KALRN: variants seen among roughly 807,000 people sequenced by gnomAD.
KALRN encodes kalirin RhoGEF kinase.
In KALRN, 70 loss-of-function variants were observed where a neutral mutation model predicts 353.7. The observed-to-expected ratio is 0.20, with a 90% CI of 0.16 to 0.24. The LOEUF (loss-of-function observed/expected upper bound fraction) is 0.24. Among genes scored for constraint, KALRN ranks in the 10% least tolerant of loss-of-function variants. The pLI, the probability that KALRN is intolerant of heterozygous loss-of-function variation, is 1.00. For synonymous variants in KALRN, 1,391 were observed against 1,434.8 expected, an observed-to-expected ratio of 0.97 and a Z score of 0.69; for missense variants, 2,791 against 3,756.7, an observed-to-expected ratio of 0.74 and a Z score of 6.72.
intron 1 of KALRN, among the ~76,000 whole-genome samples, chr3:124,191,243 G>C (rs1442380635): frequency 6.6e-6 from 1 of 151,944 alleles, no homozygotes; most frequent in African/African-American, 2.4e-5. Context: ...AGTCTTCATT[G>C]TATAGGCACG....
chr3:124,051,690 A>G (rs1411024023), intron 1 of KALRN, among the ~76,000 whole-genome samples: 7 of 152,150 alleles, frequency 4.6e-5, no homozygotes, highest in Non-Finnish European at 1.0e-4. Flanking sequence ...ACTATACTCA[A>G]TCCAGGGCCA....
chr3:124,338,634 T>G (rs2081370628), intron 9 of KALRN, among the ~76,000 whole-genome samples: 1 of 152,216 alleles, frequency 6.6e-6, no homozygotes, highest in Non-Finnish European at 1.5e-5. Flanking sequence ...TGGAGAGATC[T>G]GTAGATGTCT....
chr3:124,539,709 A>G lies in KALRN; in HGVS notation c.4936-23134A>G, dbSNP rs186039042. 5.8e-4 allele frequency among the ~76,000 whole-genome samples: 88 copies of G among 152,328 alleles called. 2 individuals carry two copies. The South Asian group carries it at 0.014, about 24-fold the overall frequency. ...TTTGAAGGAAGGAAGGGAGAAAAAA[A>G]GAGCAAGAGTCAGAGTTTTGTATAT... On this transcript the variant is annotated intron_variant, in intron 33 of 59. Coordinates refer to ENST00000682506, the MANE Select transcript of KALRN (RefSeq NM_001388419.1).
intron 19 of KALRN, among the ~76,000 whole-genome samples, chr3:124,443,520 G>A (rs1234439503): frequency 6.6e-6 from 1 of 152,202 alleles, no homozygotes; most frequent in African/African-American, 2.4e-5. Context: ...TTCCAAATGT[G>A]CTATTCTATT....
intron 25 of KALRN, among the ~76,000 whole-genome samples, chr3:124,464,600 G>A (rs1363291743): frequency 6.6e-6 from 1 of 152,068 alleles, no homozygotes; most frequent in Non-Finnish European, 1.5e-5. Context: ...TATCGAGTTA[G>A]AATATTATGA....
At chr3:124,681,639 T>TC (rs916426494) in intron 51 of KALRN, among the ~76,000 whole-genome samples, 5 of 147,110 alleles carry the variant, frequency 3.4e-5, no homozygotes, top group African/African-American at 1.3e-4. Context: ...CTTTTTTTTT[T>TC]TTTTTTTTTT....
chr3:124,367,486 A>C (rs1576336546), intron 10 of KALRN, among the ~76,000 whole-genome samples: 1 of 86,956 alleles, frequency 1.2e-5, no homozygotes. Flanking sequence ...TCCCTCCCGG[A>C]CGGGGCAGCT....
At chr3:124,691,101 C>T (rs78581523) in intron 51 of KALRN, among the ~76,000 whole-genome samples, 14,465 of 152,188 alleles carry the variant, frequency 0.095, 1,088 homozygotes, top group East Asian at 0.32. Context: ...CTAATAGGTT[C>T]GACCGTGCTG....
In KALRN at chr3:124,118,530, C is replaced by A. The variant is rs72972609; in HGVS notation, c.73+84717C>A. On this transcript the variant is annotated intron_variant, in intron 1 of 59. Transcript: ENST00000682506. Reference sequence around the variant, plus strand: ...GCATTCCGTGGAGTTGCAGGAGACACTTCCATGCATCCACAGAAGCCCTCT... The same window carrying A: ...GCATTCCGTGGAGTTGCAGGAGACAATTCCATGCATCCACAGAAGCCCTCT... Among the ~76,000 whole-genome samples the A allele has an allele frequency of 5.8e-3, 880 of 152,296 alleles. 5 individuals are homozygous for A. Among genetic ancestry groups the A allele is most frequent in the African/African-American group, 0.019 (769 of 41,546 alleles).
chr3:124,398,666 C>A lies in KALRN; in HGVS notation c.2172-31C>A, dbSNP rs543315920. 4.3e-6 allele frequency: 7 copies of A among 1,612,736 alleles called. No homozygotes were observed. In the South Asian group the frequency reaches 7.7e-5, roughly 18 times the overall value. The stretch of plus-strand genomic sequence containing the variant: ...TCACTTTTAACATGGAAAGGCCTCT[C>A]CCTCCCTTTTTTCTCCCCACTCTGC... On this transcript the variant is annotated intron_variant, in intron 12 of 59. Coordinates refer to ENST00000682506, the MANE Select transcript of KALRN (RefSeq NM_001388419.1).
chr3:124,479,878 C>T (rs746384882), intron 27 of KALRN, among the ~76,000 whole-genome samples: 10 of 152,072 alleles, frequency 6.6e-5, no homozygotes, highest in Non-Finnish European at 1.2e-4. Context: ...CACCCACCAC[C>T]ACGCCTGGCT....
At chr3:124,243,254 G>A (rs1323812220) in intron 3 of KALRN, among the ~76,000 whole-genome samples, 1 of 152,194 alleles carries the variant, frequency 6.6e-6, no homozygotes, top group African/African-American at 2.4e-5. Flanking sequence ...GGCCTGCACA[G>A]TCCATGTGGG....
At chr3:124,510,111 C>T (rs552807820) in intron 33 of KALRN, among the ~76,000 whole-genome samples, 4 of 152,186 alleles carry the variant, frequency 2.6e-5, no homozygotes, top group Non-Finnish European at 4.4e-5. Context: ...TACACCAGAA[C>T]AAACAAGCAC....
chr3:124,475,279 T>C (rs1373574322), intron 26 of KALRN, among the ~76,000 whole-genome samples: 1 of 152,220 alleles, frequency 6.6e-6, no homozygotes, highest in African/African-American at 2.4e-5. Flanking sequence ...ATTTTTTGGG[T>C]ATCCATCCCA....
In KALRN at chr3:124,347,587, T is replaced by C. The variant is rs1307030033; in HGVS notation, c.1770+322T>C. 3.3e-5 allele frequency among the ~76,000 whole-genome samples: 5 copies of C among 152,228 alleles called. No homozygotes were observed. The South Asian group carries it at 1.0e-3, about 32-fold the overall frequency. ...TCTTTGAAAAAGATCTTCCTGCTGG[T>C]GTGATCTAAAAATGCCTTGTCCACG... On this transcript the variant is annotated intron_variant, in intron 10 of 59. Transcript: ENST00000682506.
At chr3:124,082,448 G>A (rs58715131) in intron 1 of KALRN, 39,923 of 366,430 alleles carry the variant, frequency 0.11, 3,013 homozygotes, top group African/African-American at 0.26. Flanking sequence ...GCTTTATTTG[G>A]GGGGTGAGGT....
At chr3:124,546,734 T>C (rs1170345461) in intron 33 of KALRN, among the ~76,000 whole-genome samples, 4 of 152,154 alleles carry the variant, frequency 2.6e-5, no homozygotes, top group East Asian at 3.8e-4. Context: ...AAGGATCTCT[T>C]GTAGGTCTCA....
chr3:124,657,910 T>G, intron 41 of KALRN, 107 bp downstream of exon 41: 1 of 824,368 alleles, frequency 1.2e-6, no homozygotes, highest in East Asian at 2.5e-5. Context: ...TTCCAACACT[T>G]TAGGAGGCCA....
intron 10 of KALRN, among the ~76,000 whole-genome samples, chr3:124,375,212 C>T (rs868235234): frequency 2.0e-5 from 3 of 152,072 alleles, no homozygotes; most frequent in South Asian, 4.2e-4. Context: ...TGGCTATATC[C>T]GGGGCCTGCT....
Sources: gnomAD v4.1 joint callset for allele counts (sites outside exome capture counted in the v4.1 genomes callset) on GRCh38, gnomAD v4.1.1 for gene constraint, MANE v1.5 for transcripts, NCBI Gene and HGNC (gene_info 2026-07-23, HGNC 2026-07-21) for gene names.